Variants in ASAH1 observed in about 807,000 individuals in gnomAD.
ASAH1 encodes the protein acid ceramidase.
In ASAH1, 70 loss-of-function variants were observed where a neutral mutation model predicts 59.5. The ratio of observed to expected loss-of-function variants is 1.18; its 90% CI spans 0.97 to 1.43. The LOEUF (loss-of-function observed/expected upper bound fraction) is 1.43, where lower values mean the gene tolerates loss of function less well. ASAH1 is among the 40% of genes most tolerant of loss of function. The pLI is 0.00. For missense variants in ASAH1, 660 were observed against 482.5 expected (o/e 1.37, Z -3.45); for synonymous variants, 213 against 166.5 (o/e 1.28, Z -2.15).
intron 10 of ASAH1, chr8:18,060,863 C>T (rs550377433): frequency 2.4e-5 from 4 of 167,154 alleles, no homozygotes; most frequent in Non-Finnish European, 5.2e-5. Flanking sequence ...ATCCTCCCAC[C>T]TCAGCCTCCT....
intron 4 of ASAH1, chr8:18,068,664 C>A (rs1393470471): frequency 6.6e-6 from 1 of 152,264 alleles, no homozygotes; most frequent in Non-Finnish European, 1.5e-5. Context: ...AGGGACACTG[C>A]TAAACATCCT....
intron 2 of ASAH1, chr8:18,073,282 T>C (rs2117069565): frequency 6.3e-7 from 1 of 1,577,396 alleles, no homozygotes; most frequent in South Asian, 1.1e-5. Flanking sequence ...AGACACTATA[T>C]GAAAAATGCA....
Position 18,056,810 on chromosome 8 carries a change from T to C in ASAH1, c.*724A>G, listed in dbSNP as rs1292344914. ...ATTAACAGAACGTGGGATGCAGTTTTTTAAGTTAGCAACTTCCTTAGGGTT... is the reference window on the plus strand; with the variant it reads ...ATTAACAGAACGTGGGATGCAGTTTCTTAAGTTAGCAACTTCCTTAGGGTT... On this transcript the variant is annotated 3_prime_UTR_variant, in exon 14 of 14. Coordinates refer to ENST00000637790, the MANE Select transcript of ASAH1 (RefSeq NM_177924.5). The C allele has an allele frequency of 6.9e-6, 1 of 145,040 alleles. No individual in the cohort carries two copies. The highest frequency in any genetic ancestry group is 1.5e-5 in the Non-Finnish European group (1 of 67,852). 9.0% of individuals were successfully genotyped at this position (145,040 alleles called of 1,614,324 possible). A position where few individuals can be genotyped will look rare whatever the true frequency, so the allele number is the denominator to read the frequency against.
chr8:18,083,993 C>T lies in ASAH1; in HGVS notation c.66G>A (p.Gln22=). The stretch of plus-strand genomic sequence containing the variant: ...CAAGCTCACTCACCGGCGGCGCGTG[C>T]TGCGCGACGGCACAGCTGACGGCGG... ...LAAAVSCAVA[Q]HAPPWTEDCR... Residue 22 remains glutamine, a synonymous_variant, in exon 1 of 14, where the codon CAG becomes CAA. Transcript: ENST00000637790. 1.3e-6 allele frequency: 2 copies of T among 1,597,966 alleles called. No homozygotes were observed. Among genetic ancestry groups the T allele is most frequent in the African/African-American group, 1.3e-5 (1 of 75,036 alleles).
At chr8:18,064,979 A>G (rs1332293177) in intron 5 of ASAH1, 1 of 156,750 alleles carries the variant, frequency 6.4e-6, no homozygotes, top group Non-Finnish European at 1.4e-5. Context: ...CTGCCAAGAA[A>G]CTCCATTCTA....
rs201513748 is a variant in ASAH1 at position 18,061,489 on chromosome 8, G to C, written c.704-31C>G. ...AGAGATGAACACAATGTCAGGAACC[G>C]GAAGAGGTGACACTATGTAACCAGT... On this transcript the variant is annotated intron_variant, in intron 9 of 13. Transcript: ENST00000637790. The C allele has an allele frequency of 6.4e-6, 10 of 1,574,534 alleles. No individual in the cohort carries two copies. In the Admixed American group the frequency reaches 1.7e-4, roughly 26 times the overall value.
rs2117107342 is a variant in ASAH1, at chr8:18,083,978, C to A, written c.78+3G>T. On this transcript the variant is annotated splice_donor_region_variant and intron_variant, in intron 1 of 13. Transcript: ENST00000637790. ...CTCTGCGCCTCGGCTCAAGCTCACT[C>A]ACCGGCGGCGCGTGCTGCGCGACGG... is the stretch of plus-strand genomic sequence containing the variant. 1.3e-6 allele frequency: 2 copies of A among 1,597,670 alleles called. No homozygotes were observed. The highest frequency in any genetic ancestry group is 1.7e-6 in the Non-Finnish European group (2 of 1,179,320).
intron 2 of ASAH1, among the ~76,000 whole-genome samples, chr8:18,075,000 TC>T (rs199952534): frequency 6.7e-6 from 1 of 148,678 alleles, no homozygotes; most frequent in African/African-American, 2.5e-5. Context: ...GAAAATCCTT[TC>T]CTTTTTTTTT....
Position 18,069,847 on chromosome 8 carries a change from A to G in ASAH1, c.248T>C (p.Met83Thr), listed in dbSNP as rs758440655. ...TCCACTTGGCACGAATGTATTTATC[A>G]TATTCTTCAGAGAATTCACTATAAC... ...LKVIVNSLKN[M>T]INTFVPSGKI... Residue 83 changes from methionine (M) to threonine (T), a missense_variant, in exon 4 of 14, where the codon ATG (methionine) becomes ACG (threonine). Coordinates refer to ENST00000637790, the MANE Select transcript of ASAH1 (RefSeq NM_177924.5). 1 of 1,592,408 alleles carries G rather than the reference A, an allele frequency of 6.3e-7. No individual in the cohort carries two copies. Among genetic ancestry groups the G allele is most frequent in the Non-Finnish European group, 8.6e-7 (1 of 1,162,336 alleles).
upstream of ASAH1, chr8:18,084,695 C>T (rs13263632): frequency 0.053 from 84,922 of 1,613,174 alleles, 2,862 homozygotes; most frequent in African/African-American, 0.15. Context: ...CACAGCAAAG[C>T]TGCCAAATCC....
At chr8:18,082,269 T>C (rs1015398077) in intron 1 of ASAH1, among the ~76,000 whole-genome samples, 2 of 152,198 alleles carry the variant, frequency 1.3e-5, no homozygotes, top group African/African-American at 2.4e-5. Flanking sequence ...AAAATACTTT[T>C]GCTAGAATAA....
chr8:18,061,758 C>T lies in ASAH1; in HGVS notation c.649-18G>A, dbSNP rs777173103. ...AACAGTCCCTGAGAAAAAGACAAAG[C>T]AACGAAGTCAGAAACATCAACCATG... On this transcript the variant is annotated intron_variant, in intron 8 of 13. Coordinates refer to ENST00000637790, the MANE Select transcript of ASAH1 (RefSeq NM_177924.5). 3 of 1,560,638 alleles carry T rather than the reference C, an allele frequency of 1.9e-6. No homozygotes were observed. The highest frequency in any genetic ancestry group is 2.4e-5 in the South Asian group (2 of 84,960).
chr8:18,075,704 A>G lies in ASAH1; in HGVS notation c.79-117T>C, dbSNP rs1800376536. 1.4e-5 allele frequency: 12 copies of G among 873,926 alleles called. No individual in the cohort carries two copies. In the South Asian group the frequency reaches 1.4e-4, roughly 10 times the overall value. The allele number at this position is 873,926 out of a possible 1,614,324, so 54.1% of individuals were successfully genotyped here. A position where few individuals can be genotyped will look rare whatever the true frequency, so the allele number is the denominator to read the frequency against. ...ATCAAGTCTGATATTGCTCTTTTAT[A>G]CGTTTCAATGCCTCTTAAAATAAGT... On this transcript the variant is annotated intron_variant, in intron 1 of 13. Coordinates refer to ENST00000637790, the MANE Select transcript of ASAH1 (RefSeq NM_177924.5).
chr8:18,061,638 A>AT, intron 9 of ASAH1, 48 bp downstream of exon 9: 1 of 1,563,334 alleles, frequency 6.4e-7, no homozygotes, highest in South Asian at 1.2e-5. Flanking sequence ...AGCCTTCCTC[A>AT]TAAAAAAGCT....
At chr8:18,059,490 C>G in intron 11 of ASAH1, 26 bp from the exon 12 acceptor site, 3 of 1,614,178 alleles carry the variant, frequency 1.9e-6, no homozygotes, top group Non-Finnish European at 2.5e-6. Flanking sequence ...GAGATTCCCT[C>G]TTAGGCTACA....
chr8:18,079,547 A>G (rs2117092310), intron 1 of ASAH1, among the ~76,000 whole-genome samples: 1 of 152,360 alleles, frequency 6.6e-6, no homozygotes, highest in South Asian at 2.1e-4. Context: ...TGAGCCCGAA[A>G]GAATTAGGAG....
chr8:18,067,138 GC>G (rs1453056739), intron 5 of ASAH1, 81 bp downstream of exon 5: 1 of 1,112,916 alleles, frequency 9.0e-7, no homozygotes, highest in Admixed American at 2.4e-5. Context: ...CAGCACCTGT[GC>G]TGTATGTATA....
rs1800086477 is a variant in ASAH1 at position 18,069,838 on chromosome 8, G to A, written c.257C>T (p.Thr86Ile). Reference protein sequence around the residue: ...IVNSLKNMINTFVPSGKIMQV... With the variant: ...IVNSLKNMINIFVPSGKIMQV... The stretch of plus-strand genomic sequence containing the variant: ...CATAATTTTTCCACTTGGCACGAAT[G>A]TATTTATCATATTCTTCAGAGAATT... Residue 86 changes from threonine to isoleucine, a missense_variant, in exon 4 of 14, where the codon ACA (threonine) becomes ATA (isoleucine). Thr to Ile is a moderately conservative substitution (Grantham distance 89). Transcript: ENST00000637790. 1.3e-6 allele frequency: 2 copies of A among 1,592,100 alleles called. No individual in the cohort carries two copies. The highest frequency in any genetic ancestry group is 3.3e-5 in the Admixed American group (2 of 59,900).
intron 3 of ASAH1, 89 bp downstream of exon 3, chr8:18,071,211 C>CAAA: frequency 1.4e-6 from 1 of 697,436 alleles, no homozygotes; most frequent in African/African-American, 2.1e-5. Context: ...TGTCTCAAAA[C>CAAA]AAAAAAAAAA....
Sources: allele counts gnomAD v4.1 joint callset (sites outside exome capture counted in the v4.1 genomes callset), GRCh38; gene constraint gnomAD v4.1.1; transcripts MANE v1.5; gene names NCBI Gene and HGNC (gene_info 2026-07-23, HGNC 2026-07-21).